The following LIMCH1 variants were observed in gnomAD, a reference collection of about 807,000 sequenced individuals.
LIMCH1 encodes LIM and calponin homology domains 1.
A neutral mutation model predicts 176.5 loss-of-function variants in LIMCH1; 113 were observed. The observed-to-expected ratio is 0.64, with a 90% CI of 0.55 to 0.75. The LOEUF (loss-of-function observed/expected upper bound fraction) is 0.75. LIMCH1 is among the 30% of genes least tolerant of loss of function. The probability of loss-of-function intolerance (pLI) is 0.00; values close to 1 mark genes in which losing one functional copy is unlikely to be tolerated. For synonymous variants in LIMCH1, 619 were observed against 645.9 expected (o/e 0.96, Z 0.63); for missense variants, 1,674 against 1,814.9 (o/e 0.92, Z 1.41).
intron 7 of LIMCH1, among the ~76,000 whole-genome samples, chr4:41,623,873 T>C (rs1322288314): frequency 6.6e-6 from 1 of 152,234 alleles, no homozygotes; most frequent in Non-Finnish European, 1.5e-5. Context: ...AGCGGTATCT[T>C]AGCATCAAGA....
In LIMCH1 at chr4:41,447,861, G is replaced by A. The variant is rs138993502; in HGVS notation, c.97-46675G>A. ...TCTGGAGTGCAGTGGCGCGATTTCCGCTGACTGCAACCTCTGCCTCCTGGG... is the reference window on the plus strand; with the variant it reads ...TCTGGAGTGCAGTGGCGCGATTTCCACTGACTGCAACCTCTGCCTCCTGGG... On this transcript the variant is annotated intron_variant, in intron 1 of 26. Transcript: ENST00000313860. 3.5e-3 allele frequency among the ~76,000 whole-genome samples: 526 copies of A among 152,150 alleles called. 2 individuals are homozygous for A. Among genetic ancestry groups the A allele is most frequent in the African/African-American group, 0.012 (491 of 41,522 alleles).
intron 1 of LIMCH1, among the ~76,000 whole-genome samples, chr4:41,467,424 C>T (rs1387750926): frequency 6.6e-6 from 1 of 152,188 alleles, no homozygotes; most frequent in Non-Finnish European, 1.5e-5. Context: ...CACAGTTCCA[C>T]ATGGCTGGGA....
At chr4:41,687,430 G>A (rs1176823141) in intron 28 of LIMCH1, among the ~76,000 whole-genome samples, 1 of 152,030 alleles carries the variant, frequency 6.6e-6, no homozygotes, top group Non-Finnish European at 1.5e-5. Context: ...GATCTGCCCT[G>A]GATCCCTCCT....
chr4:41,374,597 T>C (rs931834598), intron 1 of LIMCH1, among the ~76,000 whole-genome samples: 8 of 152,188 alleles, frequency 5.3e-5, no homozygotes, highest in Non-Finnish European at 1.0e-4. Context: ...AGCATTCTTA[T>C]GGTTGCAAGC....
chr4:41,424,571 C>T (rs1487119481), intron 1 of LIMCH1, among the ~76,000 whole-genome samples: 1 of 152,144 alleles, frequency 6.6e-6, no homozygotes, highest in Non-Finnish European at 1.5e-5. Context: ...CACCCATATC[C>T]AAACATATCA....
chr4:41,576,316 C>A (rs1265304030), intron 1 of LIMCH1, among the ~76,000 whole-genome samples: 1 of 151,850 alleles, frequency 6.6e-6, no homozygotes, highest in African/African-American at 2.4e-5. Flanking sequence ...ATTGTTTTAT[C>A]TTATTATAAA....
intron 1 of LIMCH1, among the ~76,000 whole-genome samples, chr4:41,422,099 CAAAT>C (rs914521245): frequency 3.9e-4 from 60 of 152,074 alleles, no homozygotes; most frequent in African/African-American, 1.0e-3. Flanking sequence ...AGCAAAGAAA[CAAAT>C]AAACAAACAA....
chr4:41,677,435 G>A (rs1174676651), intron 23 of LIMCH1, among the ~76,000 whole-genome samples: 2 of 152,038 alleles, frequency 1.3e-5, no homozygotes, highest in African/African-American at 4.8e-5. Flanking sequence ...AAAAGAAAAA[G>A]AAATGTTTGC....
At chr4:41,548,808 C>T (rs1213358748) in intron 1 of LIMCH1, among the ~76,000 whole-genome samples, 1 of 152,044 alleles carries the variant, frequency 6.6e-6, no homozygotes, top group Admixed American at 6.6e-5. Flanking sequence ...TTCCATCACC[C>T]CTAGAGGCAG....
chr4:41,635,971 A>G (rs1360001556), intron 13 of LIMCH1, among the ~76,000 whole-genome samples: 1 of 152,134 alleles, frequency 6.6e-6, no homozygotes, highest in African/African-American at 2.4e-5. Flanking sequence ...AGCTAGTGTG[A>G]TCATAGTTCA....
At chr4:41,552,140 G>A (rs10007604) in intron 1 of LIMCH1, among the ~76,000 whole-genome samples, 35,963 of 151,958 alleles carry the variant, frequency 0.24, 6,766 homozygotes, top group African/African-American at 0.52. Flanking sequence ...TTCACTATCA[G>A]GAGAACAGCA....
chr4:41,369,948 G>T (rs910548368), intron 1 of LIMCH1, among the ~76,000 whole-genome samples: 2 of 151,856 alleles, frequency 1.3e-5, no homozygotes, highest in African/African-American at 2.4e-5. Flanking sequence ...AAGTGTGTGT[G>T]TGTGTGTGTG....
rs543819767 is a variant in LIMCH1, at chr4:41,698,627, A to G, written c.*1442A>G. On this transcript the variant is annotated 3_prime_UTR_variant, in exon 32 of 32. Coordinates refer to ENST00000503057, the MANE Select transcript of LIMCH1 (RefSeq NM_001330672.2). ...ACTCCTAATAGATTGATGTAGTCAT[A>G]AAAGGGGGTCAAGTAGATGTTTTTC... is the stretch of plus-strand genomic sequence containing the variant. The G allele has an allele frequency of 4.6e-5, 7 of 152,748 alleles. No homozygotes were observed. Among genetic ancestry groups the G allele is most frequent in the African/African-American group, 1.7e-4 (7 of 41,580 alleles). The allele number at this position is 152,748 out of a possible 1,614,324, so 9.5% of individuals were successfully genotyped here.
chr4:41,387,790 T>C (rs2056693764), intron 1 of LIMCH1, among the ~76,000 whole-genome samples: 1 of 152,216 alleles, frequency 6.6e-6, no homozygotes, highest in African/African-American at 2.4e-5. Context: ...ATTTTGCCAG[T>C]CAAAACTTGA....
chr4:41,586,244 G>A (rs1439415955), intron 1 of LIMCH1, among the ~76,000 whole-genome samples: 3 of 151,686 alleles, frequency 2.0e-5, no homozygotes, highest in Admixed American at 6.6e-5. Context: ...AAGTAGCTGG[G>A]ACTATAGGCA....
chr4:41,689,458 A>T, intron 29 of LIMCH1, 69 bp from the exon 30 acceptor site: 2 of 809,822 alleles, frequency 2.5e-6, no homozygotes, highest in Non-Finnish European at 2.2e-6. Flanking sequence ...GCATGAGGTT[A>T]CATGTCTGTG....
intron 1 of LIMCH1, among the ~76,000 whole-genome samples, chr4:41,434,558 C>T (rs1363433703): frequency 6.6e-6 from 1 of 152,116 alleles, no homozygotes; most frequent in East Asian, 1.9e-4. Context: ...GCTTTGTCAC[C>T]CAGGCTGGAG....
chr4:41,377,093 C>T lies in LIMCH1; in HGVS notation c.96+16157C>T, dbSNP rs78961199. Among the ~76,000 whole-genome samples, 934 of 152,246 alleles carry T rather than the reference C, an allele frequency of 6.1e-3. 19 individuals carry two copies. Among genetic ancestry groups the T allele is most frequent in the African/African-American group, 0.022 (894 of 41,524 alleles). ...TACAATATTGCAGCATAACAAACCA[C>T]CCCCAAACCCAGTGGCAGATGGCAA... On this transcript the variant is annotated intron_variant, in intron 1 of 26. Transcript: ENST00000313860.
chr4:41,614,040 A>G (rs886590942), intron 5 of LIMCH1, among the ~76,000 whole-genome samples: 46 of 152,250 alleles, frequency 3.0e-4, no homozygotes, highest in Non-Finnish European at 1.2e-4. Flanking sequence ...GTACCACACT[A>G]TATAAGAGAA....
Sources: gnomAD v4.1 joint callset for allele counts (sites outside exome capture counted in the v4.1 genomes callset) on GRCh38, gnomAD v4.1.1 for gene constraint, MANE v1.5 for transcripts, NCBI Gene and HGNC (gene_info 2026-07-23, HGNC 2026-07-21) for gene names.